PREP: variants seen among roughly 807,000 people sequenced by gnomAD.
The protein encoded by PREP is dJ355L5.1 (prolyl endopeptidase).
Under a neutral mutation model 87.6 loss-of-function variants are expected in PREP, and 29 were observed. The observed-to-expected ratio is 0.33, with a 90% CI of 0.25 to 0.45. The LOEUF (loss-of-function observed/expected upper bound fraction) is 0.45. PREP is among the 20% of genes least tolerant of loss of function. The pLI is 1.00. For synonymous variants in PREP, 337 were observed against 328.6 expected, an observed-to-expected ratio of 1.03 and a Z score of -0.28; for missense variants, 695 against 886.5, an observed-to-expected ratio of 0.78 and a Z score of 2.74.
At chr6:105,297,689 T>C (rs1056423608) in intron 10 of PREP, among the ~76,000 whole-genome samples, 5 of 152,158 alleles carry the variant, frequency 3.3e-5, no homozygotes, top group South Asian at 2.1e-4. Context: ...ACTTGAGTAA[T>C]AGGAAAAGTC....
At chr6:105,286,040 T>C (rs1770183538) in intron 11 of PREP, among the ~76,000 whole-genome samples, 1 of 152,214 alleles carries the variant, frequency 6.6e-6, no homozygotes, top group Admixed American at 6.5e-5. Context: ...CCTCCCAAAG[T>C]GCTGGGATTA....
At chr6:105,314,392 G>A (rs1770818750) in intron 10 of PREP, among the ~76,000 whole-genome samples, 1 of 152,326 alleles carries the variant, frequency 6.6e-6, no homozygotes, top group South Asian at 2.1e-4. Context: ...TTTGCTCACA[G>A]TAGAATTTCT....
chr6:105,314,089 A>G lies in PREP; in HGVS notation c.1317+9576T>C, dbSNP rs547875736. Among the ~76,000 whole-genome samples the G allele has an allele frequency of 3.9e-5, 6 of 152,362 alleles. No individual in the cohort carries two copies. The East Asian group carries it at 1.2e-3, about 29-fold the overall frequency. On this transcript the variant is annotated intron_variant, in intron 10 of 14. Transcript: ENST00000652536. ...CCCAGTACATATAAAAGCTGTTTAC[A>G]CTAGTGTACAAAGCAATAGCATTAT...
At chr6:105,392,043 C>CT (rs201604035) in intron 2 of PREP, among the ~76,000 whole-genome samples, 8,671 of 123,222 alleles carry the variant, frequency 0.07, 438 homozygotes, top group South Asian at 0.18. Context: ...GTCTTCAAAT[C>CT]TTTTTTTTTT....
chr6:105,344,559 T>A (rs1216090731), intron 7 of PREP, among the ~76,000 whole-genome samples: 1 of 151,564 alleles, frequency 6.6e-6, no homozygotes, highest in Non-Finnish European at 1.5e-5. Context: ...AAACCATCAT[T>A]CTCACCAAAC....
chr6:105,398,733 ACTC>A (rs1773348757), intron 1 of PREP, among the ~76,000 whole-genome samples: 1 of 151,928 alleles, frequency 6.6e-6, no homozygotes. Context: ...AGTTTTCACC[ACTC>A]CTCAAGTGAT....
chr6:105,392,288 T>C (rs1200133336), intron 2 of PREP, among the ~76,000 whole-genome samples: 2 of 152,126 alleles, frequency 1.3e-5, no homozygotes. Flanking sequence ...TCCGCCCACC[T>C]TGGCCTCCCA....
chr6:105,346,102 C>A (rs1160582535), intron 7 of PREP, among the ~76,000 whole-genome samples: 1 of 152,126 alleles, frequency 6.6e-6, no homozygotes, highest in East Asian at 1.9e-4. Context: ...CCCACTCTGA[C>A]ACACAGATTT....
intron 8 of PREP, among the ~76,000 whole-genome samples, chr6:105,330,055 G>C (rs1771283391): frequency 6.6e-6 from 1 of 152,220 alleles, no homozygotes; most frequent in South Asian, 2.1e-4. Flanking sequence ...CTGGTAAAGA[G>C]AACAAACGAG....
chr6:105,378,836 T>A (rs887706378), intron 2 of PREP, among the ~76,000 whole-genome samples: 1 of 152,134 alleles, frequency 6.6e-6, no homozygotes, highest in African/African-American at 2.4e-5. Flanking sequence ...GAAAAATGCA[T>A]TATTATCAGA....
At chr6:105,338,741 T>C (rs1365150817) in intron 7 of PREP, among the ~76,000 whole-genome samples, 1 of 152,196 alleles carries the variant, frequency 6.6e-6, no homozygotes, top group African/African-American at 2.4e-5. Flanking sequence ...GGAGATTATA[T>C]CCCGCCCCTG....
chr6:105,278,073 G>A lies in PREP; in HGVS notation c.*71C>T. On this transcript the variant is annotated 3_prime_UTR_variant, in exon 15 of 15. Transcript: ENST00000652536. The surrounding 1 kb of genome is among the most constrained non-coding windows in gnomAD (Gnocchi z 4.2). ...CCCGTGGGGAAGCATTATGCCCAGT[G>A]GTTTCTTGGTGTCAACGTGGGAAAG... The A allele has an allele frequency of 6.5e-7, 1 of 1,527,528 alleles. No homozygotes were observed. Among genetic ancestry groups the A allele is most frequent in the African/African-American group, 1.4e-5 (1 of 72,932 alleles). The allele number at this position is 1,527,528 out of a possible 1,614,324, so 94.6% of individuals were successfully genotyped here.
intron 6 of PREP, among the ~76,000 whole-genome samples, chr6:105,356,676 T>G (rs894915658): frequency 3.9e-5 from 6 of 152,198 alleles, no homozygotes; most frequent in Non-Finnish European, 7.3e-5. Context: ...CTGGGGCAAC[T>G]GTAGGATTTA....
intron 10 of PREP, among the ~76,000 whole-genome samples, chr6:105,321,206 T>C (rs138582119): frequency 1.3e-5 from 2 of 152,376 alleles, no homozygotes; most frequent in East Asian, 3.9e-4. Context: ...ATGGGCAAAG[T>C]TGCATTTTCT....
chr6:105,306,478 G>A (rs895451768), intron 10 of PREP, among the ~76,000 whole-genome samples: 2 of 152,124 alleles, frequency 1.3e-5, no homozygotes, highest in Non-Finnish European at 2.9e-5. Flanking sequence ...CCCCTCACAT[G>A]GTCAATCCAC....
intron 2 of PREP, among the ~76,000 whole-genome samples, chr6:105,382,382 C>G (rs1044761960): frequency 9.9e-5 from 15 of 151,228 alleles, no homozygotes; most frequent in African/African-American, 3.6e-4. Flanking sequence ...CTACATATAT[C>G]AAAATGACGT....
intron 2 of PREP, among the ~76,000 whole-genome samples, chr6:105,386,642 TA>T (rs1018348239): frequency 2.0e-5 from 3 of 151,892 alleles, no homozygotes; most frequent in South Asian, 2.1e-4. Context: ...GAATAGGCCC[TA>T]AAAAAAATGA....
At chr6:105,348,752 G>A (rs776370805) in intron 7 of PREP, among the ~76,000 whole-genome samples, 5 of 152,010 alleles carry the variant, frequency 3.3e-5, no homozygotes, top group Admixed American at 6.6e-5. Flanking sequence ...GGTGGCATGC[G>A]CCTGTAGTCC....
intron 7 of PREP, among the ~76,000 whole-genome samples, chr6:105,345,859 G>A (rs1771782826): frequency 6.6e-6 from 1 of 152,104 alleles, no homozygotes; most frequent in Non-Finnish European, 1.5e-5. Flanking sequence ...CTGAATGAGA[G>A]GCCTACATTT....
Sources: gnomAD v4.1 joint callset for allele counts (sites outside exome capture counted in the v4.1 genomes callset) on GRCh38, gnomAD v4.1.1 for gene constraint, Gnocchi (gnomAD v3.1) non-coding constraint, MANE v1.5 for transcripts, NCBI Gene and HGNC (gene_info 2026-07-23, HGNC 2026-07-21) for gene names.